ANK3: variants seen among roughly 807,000 people sequenced by gnomAD.
The protein encoded by ANK3 is ankyrin 3, also known as ankyrin-3.
ANK3 carries 57 observed loss-of-function variants against 370.9 expected under a neutral mutation model. The ratio of observed to expected loss-of-function variants is 0.15; its 90% CI spans 0.12 to 0.19. The LOEUF is 0.19. Ranked by LOEUF, ANK3 falls within the 10% of genes least tolerant of loss-of-function variation. The probability of loss-of-function intolerance (pLI) is 1.00; values close to 1 mark genes in which losing one functional copy is unlikely to be tolerated. For missense variants in ANK3, 4,439 were observed against 5,302.1 expected, an observed-to-expected ratio of 0.84 and a Z score of 5.06; for synonymous variants, 1,929 against 1,946.3, an observed-to-expected ratio of 0.99 and a Z score of 0.23.
At position 60,196,514 on chromosome 10, in the gene ANK3, G is replaced by C; in HGVS notation, c.1788+13C>G. ...GGAAGTGGCCTGCTTCAGGGTGGCT[G>C]GTGACCTCTTACCTTCCCAGCAGCA... On this transcript the variant is annotated intron_variant, in intron 15 of 43. Transcript: ENST00000280772. 1 of 1,581,392 alleles carries C rather than the reference G, an allele frequency of 6.3e-7. No individual in the cohort carries two copies. Among genetic ancestry groups the C allele is most frequent in the Non-Finnish European group, 8.7e-7 (1 of 1,154,472 alleles).
intron 13 of ANK3, among the ~76,000 whole-genome samples, chr10:60,199,790 T>A (rs1179926273): frequency 6.6e-6 from 1 of 152,200 alleles, no homozygotes; most frequent in Non-Finnish European, 1.5e-5. Flanking sequence ...TAGGTTGTGA[T>A]TGTTCTAGAA....
At chr10:60,503,859 A>G (rs909367237) in intron 2 of ANK3, among the ~76,000 whole-genome samples, 10 of 152,306 alleles carry the variant, frequency 6.6e-5, no homozygotes, top group Admixed American at 5.2e-4. Flanking sequence ...TACTGAGATC[A>G]TCATCTCGGT....
chr10:60,554,290 A>T (rs2077158843), intron 2 of ANK3, among the ~76,000 whole-genome samples: 1 of 152,116 alleles, frequency 6.6e-6, no homozygotes, highest in African/African-American at 2.4e-5. Context: ...TCAACCCATG[A>T]GACTGTAATC....
chr10:60,223,859 G>A (rs942819410), intron 8 of ANK3, among the ~76,000 whole-genome samples: 8 of 151,628 alleles, frequency 5.3e-5, no homozygotes, highest in East Asian at 1.9e-4. Context: ...ACTAATAAGC[G>A]TAATAAAAGA....
chr10:60,325,483 T>A (rs1317249658), intron 1 of ANK3, among the ~76,000 whole-genome samples: 3 of 152,162 alleles, frequency 2.0e-5, no homozygotes, highest in East Asian at 1.9e-4. Flanking sequence ...CTAGCTGCAA[T>A]GACCATAAAA....
intron 1 of ANK3, among the ~76,000 whole-genome samples, chr10:60,688,139 G>A (rs533664532): frequency 6.6e-5 from 10 of 151,940 alleles, no homozygotes; most frequent in South Asian, 4.2e-4. Flanking sequence ...GCGTGGTCTC[G>A]GCTCACTGCA....
chr10:60,336,573 A>G (rs946495681), intron 1 of ANK3, among the ~76,000 whole-genome samples: 33 of 129,614 alleles, frequency 2.5e-4, no homozygotes, highest in Middle Eastern at 3.9e-3. Flanking sequence ...AGATCTATCT[A>G]TCTATCTATC....
chr10:60,526,727 T>G (rs1032626805), intron 2 of ANK3, among the ~76,000 whole-genome samples: 1 of 152,112 alleles, frequency 6.6e-6, no homozygotes, highest in Non-Finnish European at 1.5e-5. Flanking sequence ...GAGACCCACA[T>G]GGTATATTTA....
chr10:60,149,917 C>T (rs2095026212), intron 23 of ANK3, among the ~76,000 whole-genome samples: 1 of 152,202 alleles, frequency 6.6e-6, no homozygotes, highest in East Asian at 1.9e-4. Context: ...CCATGTTGGC[C>T]AGGCTGGTCT....
At chr10:60,284,850 T>A (rs1405609658) in intron 1 of ANK3, among the ~76,000 whole-genome samples, 1 of 152,038 alleles carries the variant, frequency 6.6e-6, no homozygotes, top group Non-Finnish European at 1.5e-5. Context: ...CAAAAAAATC[T>A]CTAATCTTTC....
At chr10:60,476,704 T>TA (rs2075074584) in intron 2 of ANK3, among the ~76,000 whole-genome samples, 2 of 152,158 alleles carry the variant, frequency 1.3e-5, no homozygotes, top group South Asian at 4.1e-4. Flanking sequence ...AAACTCTGAA[T>TA]ATGAATTGGA....
At position 60,504,606 on chromosome 10, in the gene ANK3, C is replaced by T. The variant is rs2075886669; in HGVS notation, c.96+110580G>A. Among the ~76,000 whole-genome samples the T allele has an allele frequency of 3.3e-5, 5 of 152,142 alleles. 1 individual carries two copies. The highest frequency in any genetic ancestry group is 3.3e-4 in the Admixed American group (5 of 15,278). ...ATACTGAGAGAATGTATCAAAACCTCATCTATGAAGTATTCTTGTTGAAAA... is the reference window on the plus strand; with the variant it reads ...ATACTGAGAGAATGTATCAAAACCTTATCTATGAAGTATTCTTGTTGAAAA... On this transcript the variant is annotated intron_variant, in intron 2 of 43. Coordinates refer to the ANK3 transcript ENST00000373827.
intron 28 of ANK3, among the ~76,000 whole-genome samples, chr10:60,099,913 C>T (rs1349302450): frequency 1.3e-5 from 2 of 151,824 alleles, no homozygotes; most frequent in Non-Finnish European, 2.9e-5. Flanking sequence ...CTTCACTGCC[C>T]TCAGAGGGCT....
intron 1 of ANK3, among the ~76,000 whole-genome samples, chr10:60,387,135 G>A (rs1480312523): frequency 6.6e-6 from 1 of 151,752 alleles, no homozygotes; most frequent in Non-Finnish European, 1.5e-5. Context: ...ACTCCAGCCT[G>A]GGCAACAAGA....
chr10:60,255,191 G>T (rs543736136), intron 7 of ANK3, among the ~76,000 whole-genome samples: 1 of 152,288 alleles, frequency 6.6e-6, no homozygotes. Flanking sequence ...AAGTAAAGAA[G>T]GGAATGGACA....
At chr10:60,461,572 T>C (rs1219118442) in intron 2 of ANK3, among the ~76,000 whole-genome samples, 1 of 152,176 alleles carries the variant, frequency 6.6e-6, no homozygotes, top group Non-Finnish European at 1.5e-5. Context: ...ATACTTTGTC[T>C]GACTTCGTCT....
At chr10:60,099,289 C>T (rs886579391) in intron 28 of ANK3, among the ~76,000 whole-genome samples, 6 of 152,150 alleles carry the variant, frequency 3.9e-5, no homozygotes, top group Non-Finnish European at 7.3e-5. Context: ...TTCATTTCTC[C>T]GTTCATGCAA....
intron 1 of ANK3, among the ~76,000 whole-genome samples, chr10:60,289,938 G>A (rs1192233273): frequency 6.6e-6 from 1 of 152,190 alleles, no homozygotes; most frequent in African/African-American, 2.4e-5. Context: ...ACACAGGGCT[G>A]TGGCTCTGCC....
chr10:60,700,977 G>A (rs942338433), intron 1 of ANK3, among the ~76,000 whole-genome samples: 1 of 151,774 alleles, frequency 6.6e-6, no homozygotes, highest in Non-Finnish European at 1.5e-5. Context: ...AGAATAATAA[G>A]CAAAGTAAAA....
Sources: gnomAD v4.1 joint callset for allele counts (sites outside exome capture counted in the v4.1 genomes callset) on GRCh38, gnomAD v4.1.1 for gene constraint, MANE v1.5 for transcripts, NCBI Gene and HGNC (gene_info 2026-07-23, HGNC 2026-07-21) for gene names.